The following HS3ST2 variants were observed in gnomAD, a reference collection of about 807,000 sequenced individuals.
HS3ST2 encodes the protein heparan sulfate-glucosamine 3-sulfotransferase 2.
Under a neutral mutation model 26.3 loss-of-function variants are expected in HS3ST2, and 17 were observed. The ratio of observed to expected loss-of-function variants is 0.65; its 90% CI spans 0.44 to 0.97. The LOEUF is 0.97. HS3ST2 is among the 50% of genes least tolerant of loss of function. HS3ST2 has a pLI of 0.00. For missense variants in HS3ST2, 402 were observed against 501.2 expected (o/e 0.80, Z 1.89); for synonymous variants, 237 against 219.2 (o/e 1.08, Z -0.72).
chr16:22,820,621 C>T (rs985969070), intron 1 of HS3ST2, among the ~76,000 whole-genome samples: 4 of 152,350 alleles, frequency 2.6e-5, no homozygotes, highest in African/African-American at 7.2e-5. Context: ...TTCACCATCA[C>T]GAGAACAGTA....
chr16:22,855,688 G>GTCTCTC (rs1354473297), intron 1 of HS3ST2, among the ~76,000 whole-genome samples: 3 of 95,928 alleles, frequency 3.1e-5, no homozygotes, highest in East Asian at 3.4e-4. Context: ...CTGTCTCTCT[G>GTCTCTC]TCTCTCTGTC....
intron 1 of HS3ST2, among the ~76,000 whole-genome samples, chr16:22,842,538 G>T (rs116843306): frequency 6.6e-6 from 1 of 151,602 alleles, no homozygotes; most frequent in South Asian, 2.1e-4. Context: ...CTCCCCACCC[G>T]CCCCAGCCTC....
chr16:22,884,314 G>A (rs1260734341), intron 1 of HS3ST2, among the ~76,000 whole-genome samples: 1 of 152,130 alleles, frequency 6.6e-6, no homozygotes, highest in Admixed American at 6.5e-5. Flanking sequence ...GAATAGACAG[G>A]TTAAATAATT....
chr16:22,850,773 C>T (rs879409242), intron 1 of HS3ST2, among the ~76,000 whole-genome samples: 5 of 152,090 alleles, frequency 3.3e-5, no homozygotes, highest in African/African-American at 4.8e-5. Flanking sequence ...GGCTACAGAA[C>T]GAGACTCCAT....
chr16:22,884,659 A>AAAATATATATATATATATT (rs1555513936), intron 1 of HS3ST2, among the ~76,000 whole-genome samples: 2 of 139,052 alleles, frequency 1.4e-5, no homozygotes, highest in Admixed American at 1.5e-4. Context: ...TAGAGAAAAA[A>AAAATATATATATATATATT]ATATATATAT....
At chr16:22,910,441 C>T (rs1270133416) in intron 1 of HS3ST2, among the ~76,000 whole-genome samples, 1 of 152,148 alleles carries the variant, frequency 6.6e-6, no homozygotes, top group South Asian at 2.1e-4. Context: ...CAGGCCAACA[C>T]CTGATTACCA....
chr16:22,876,895 C>T (rs781113770), intron 1 of HS3ST2, among the ~76,000 whole-genome samples: 1 of 152,092 alleles, frequency 6.6e-6, no homozygotes, highest in Non-Finnish European at 1.5e-5. Flanking sequence ...AACTAAACAT[C>T]GTATATTCTC....
intron 1 of HS3ST2, among the ~76,000 whole-genome samples, chr16:22,880,060 G>T (rs1391790485): frequency 2.6e-5 from 4 of 152,200 alleles, no homozygotes; most frequent in Non-Finnish European, 4.4e-5. Context: ...GTATTGGAGA[G>T]TAATCAAACC....
At chr16:22,885,405 C>T (rs746807607) in intron 1 of HS3ST2, among the ~76,000 whole-genome samples, 1 of 151,328 alleles carries the variant, frequency 6.6e-6, no homozygotes, top group East Asian at 1.9e-4. Context: ...TGCTAGAGGA[C>T]CTCACTCTAT....
chr16:22,884,677 TTATA>T (rs71901649), intron 1 of HS3ST2, among the ~76,000 whole-genome samples: 1 of 138,310 alleles, frequency 7.2e-6, no homozygotes. Context: ...TATATATATA[TTATA>T]TATATATATA....
intron 1 of HS3ST2, among the ~76,000 whole-genome samples, chr16:22,823,379 C>T (rs1901029678): frequency 6.6e-6 from 1 of 152,140 alleles, no homozygotes; most frequent in Non-Finnish European, 1.5e-5. Context: ...GATAATACAT[C>T]TCACTGTGTG....
At chr16:22,820,100 C>A (rs78914858) in intron 1 of HS3ST2, among the ~76,000 whole-genome samples, 2,642 of 152,290 alleles carry the variant, frequency 0.017, 71 homozygotes, top group African/African-American at 0.059. Flanking sequence ...GGCCTTTATA[C>A]AGAAATTCCC....
intron 1 of HS3ST2, among the ~76,000 whole-genome samples, chr16:22,849,006 A>G (rs1409907815): frequency 6.6e-6 from 1 of 152,244 alleles, no homozygotes; most frequent in East Asian, 1.9e-4. Flanking sequence ...AAAATCCAGC[A>G]GGTTTGGACA....
chr16:22,867,764 T>C (rs1159221578), intron 1 of HS3ST2, among the ~76,000 whole-genome samples: 2 of 152,238 alleles, frequency 1.3e-5, no homozygotes, highest in Non-Finnish European at 2.9e-5. Context: ...AAGGATATTT[T>C]GCAAAAGCTT....
chr16:22,871,987 C>T (rs561953749), intron 1 of HS3ST2, among the ~76,000 whole-genome samples: 3 of 152,210 alleles, frequency 2.0e-5, no homozygotes, highest in South Asian at 2.1e-4. Context: ...ACCAGTGTAA[C>T]GATTACAGAT....
chr16:22,858,551 CTTTT>C (rs1176030521), intron 1 of HS3ST2, among the ~76,000 whole-genome samples: 1 of 136,952 alleles, frequency 7.3e-6, no homozygotes, highest in Admixed American at 7.3e-5. Flanking sequence ...TTTTGGAATC[CTTTT>C]TTTGTTTGTT....
intron 1 of HS3ST2, among the ~76,000 whole-genome samples, chr16:22,879,619 G>A (rs1901961897): frequency 6.6e-6 from 1 of 152,198 alleles, no homozygotes. Flanking sequence ...CTGAGGTGTG[G>A]CAAGGGAAGG....
At chr16:22,840,428 G>A (rs943970482) in intron 1 of HS3ST2, among the ~76,000 whole-genome samples, 1 of 151,914 alleles carries the variant, frequency 6.6e-6, no homozygotes, top group Non-Finnish European at 1.5e-5. Flanking sequence ...TGTCACCCAG[G>A]CTGGAGTTAA....
chr16:22,911,541 G>A (rs767174719), intron 1 of HS3ST2, among the ~76,000 whole-genome samples: 3 of 152,196 alleles, frequency 2.0e-5, no homozygotes, highest in Non-Finnish European at 4.4e-5. Flanking sequence ...ATTGTTAGCA[G>A]GGTTGGTTCC....
Sources: allele counts gnomAD v4.1 joint callset (sites outside exome capture counted in the v4.1 genomes callset), GRCh38; gene constraint gnomAD v4.1.1; transcripts MANE v1.5; gene names NCBI Gene and HGNC (gene_info 2026-07-23, HGNC 2026-07-21).